The following MOG variants were observed in gnomAD, a reference collection of about 807,000 sequenced individuals.
The protein encoded by MOG is myelin-oligodendrocyte glycoprotein.
MOG carries 20 observed loss-of-function variants against 35.9 expected under a neutral mutation model. The observed-to-expected ratio is 0.56, with a 90% CI of 0.39 to 0.81. The LOEUF is 0.81. MOG is among the 30% of genes least tolerant of loss of function. The probability of loss-of-function intolerance (pLI) is 0.00; values close to 1 mark genes in which losing one functional copy is unlikely to be tolerated. For synonymous variants in MOG, 92 were observed against 114.3 expected (o/e 0.80, Z 1.25); for missense variants, 251 against 301.0 (o/e 0.83, Z 1.23).
chr6:29,661,944 G>T (rs977516561), intron 2 of MOG: 25 of 985,096 alleles, frequency 2.5e-5, no homozygotes, highest in Non-Finnish European at 3.0e-5. Flanking sequence ...CTCTTCGTCT[G>T]CATGCCTAAG....
intron 4 of MOG, 90 bp downstream of exon 4, chr6:29,667,753 T>C: frequency 1.3e-6 from 2 of 1,562,698 alleles, no homozygotes; most frequent in Non-Finnish European, 1.8e-6. Context: ...TCTCTCCCTC[T>C]CAATACCCTG....
rs1292912114 is a variant in MOG at position 29,671,218 on chromosome 6, G to C, written c.*33G>C. On this transcript the variant is annotated 3_prime_UTR_variant, in exon 8 of 8. Coordinates refer to ENST00000376917, the MANE Select transcript of MOG (RefSeq NM_206809.4). Reference sequence around the variant, plus strand: ...CACATCTTGGCAGGGGTGGAGGAGAGCCTGGTTGCCCAGGGATTTGTCCTT... The same window carrying C: ...CACATCTTGGCAGGGGTGGAGGAGACCCTGGTTGCCCAGGGATTTGTCCTT... 2 of 1,612,552 alleles carry C rather than the reference G, an allele frequency of 1.2e-6. No individual in the cohort carries two copies. Among genetic ancestry groups the C allele is most frequent in the African/African-American group, 2.7e-5 (2 of 74,896 alleles).
Position 29,667,925 on chromosome 6 carries a change from G to T in MOG, c.592+1G>T, listed in dbSNP as rs1770581761. The T allele has an allele frequency of 6.2e-7, 1 of 1,613,052 alleles. No homozygotes were observed. On this transcript the variant is annotated splice_donor_variant, in intron 5 of 7. Coordinates refer to ENST00000376917, the MANE Select transcript of MOG (RefSeq NM_206809.4). LOFTEE classifies it high-confidence loss of function. ...TCAGAGAATCTCCACCGGACTTTTG[G>T]TAAGTTCCGGCATGTCTAGGCCCTC...
At position 29,660,529 on chromosome 6, in the gene MOG, C is replaced by CA. The variant is rs1311423493; in HGVS notation, c.436+879dup. ...TGGGGGACACAGCGAGACTCCGTCT[C>CA]AAAAAAAAAAAAAAAACCCTGTATT... On this transcript the variant is annotated intron_variant, in intron 2 of 7. Coordinates refer to ENST00000376917, the MANE Select transcript of MOG (RefSeq NM_206809.4). 9.0e-3 allele frequency among the ~76,000 whole-genome samples: 536 copies of CA among 59,492 alleles called. 5 individuals are homozygous for CA. The highest frequency in any genetic ancestry group is 0.024 in the South Asian group (38 of 1,562). 39.0% of individuals were successfully genotyped at this position (59,492 alleles called of 152,430 possible).
chr6:29,666,404 A>AG lies in MOG; in HGVS notation c.550+139_550+140insG, dbSNP rs1770229157. 8.1e-6 allele frequency: 5 copies of AG among 621,100 alleles called. No individual in the cohort carries two copies. The Admixed American group carries it at 1.4e-4, about 18-fold the overall frequency. 38.5% of individuals were successfully genotyped at this position (621,100 alleles called of 1,614,324 possible). ...CACTATTGAGTGATAAAGAAAAAAA[A>AG]TAACTCCATGATGAAAGAGTTTTAC... On this transcript the variant is annotated intron_variant, in intron 3 of 7. Transcript: ENST00000376917.
Position 29,662,050 on chromosome 6 carries a change from T to C in MOG, c.436+2384T>C, listed in dbSNP as rs1768914323. Reference sequence around the variant, plus strand: ...GAATGAGATGAAGTAATGGTATTATTGCAAGTCTCAGGTGTAACTACCTCT... The same window carrying C: ...GAATGAGATGAAGTAATGGTATTATCGCAAGTCTCAGGTGTAACTACCTCT... On this transcript the variant is annotated intron_variant, in intron 2 of 7. Transcript: ENST00000376917. The surrounding 1 kb of genome is among the most constrained non-coding windows in gnomAD (Gnocchi z 4.2). 2 of 985,352 alleles carry C rather than the reference T, an allele frequency of 2.0e-6. No individual in the cohort carries two copies. The highest frequency in any genetic ancestry group is 2.4e-6 in the Non-Finnish European group (2 of 829,890). The allele number at this position is 985,352 out of a possible 1,614,324, so 61.0% of individuals were successfully genotyped here. A position where few individuals can be genotyped will look rare whatever the true frequency, so the allele number is the denominator to read the frequency against.
chr6:29,659,071 G>T (rs1767872065), intron 1 of MOG, among the ~76,000 whole-genome samples: 1 of 152,126 alleles, frequency 6.6e-6, no homozygotes, highest in South Asian at 2.1e-4. Flanking sequence ...GGAGGTTGCA[G>T]TGAGCCAAGA....
intron 2 of MOG, chr6:29,663,959 T>C: frequency 2.1e-6 from 2 of 936,808 alleles, no homozygotes; most frequent in Non-Finnish European, 2.5e-6. Context: ...GATGTCATTA[T>C]CCTTACTCAG....
intron 5 of MOG, 69 bp downstream of exon 5, chr6:29,667,993 G>T (rs9468580): frequency 6.7e-7 from 1 of 1,495,350 alleles, no homozygotes; most frequent in African/African-American, 1.4e-5. Context: ...GTCACCTGGG[G>T]GAACAAGGAC....
chr6:29,666,404 A>G (rs1770228078), intron 3 of MOG, 139 bp downstream of exon 3: 5 of 620,982 alleles, frequency 8.1e-6, no homozygotes, highest in South Asian at 5.8e-5. Context: ...AAGAAAAAAA[A>G]TAACTCCATG....
chr6:29,664,604 GA>G, intron 2 of MOG: 2 of 439,734 alleles, frequency 4.5e-6, no homozygotes, highest in South Asian at 3.1e-5. Flanking sequence ...ACCCATCTCA[GA>G]ATTTTTTTTT....
intron 1 of MOG, among the ~76,000 whole-genome samples, chr6:29,658,914 C>T (rs1364051113): frequency 6.6e-6 from 1 of 152,156 alleles, no homozygotes; most frequent in Non-Finnish European, 1.5e-5. Context: ...GAGTTCGAGA[C>T]CAGCCTGGCC....
At position 29,671,398 on chromosome 6, in the gene MOG, C is replaced by T; in HGVS notation, c.*213C>T. The T allele has an allele frequency of 6.2e-7, 1 of 1,612,564 alleles. No individual in the cohort carries two copies. The highest frequency in any genetic ancestry group is 8.5e-7 in the Non-Finnish European group (1 of 1,179,720). On this transcript the variant is annotated 3_prime_UTR_variant, in exon 8 of 8. Coordinates refer to ENST00000376917, the MANE Select transcript of MOG (RefSeq NM_206809.4). Reference sequence around the variant, plus strand: ...CTCTTCATTTTCCCATTTTTATTACCCTTCTTTCCATTTCTCTCTCCAGTC... The same window carrying T: ...CTCTTCATTTTCCCATTTTTATTACTCTTCTTTCCATTTCTCTCTCCAGTC...
In MOG at chr6:29,671,225, T is replaced by G. The variant is rs1363905037; in HGVS notation, c.*40T>G. 1 of 1,612,702 alleles carries G rather than the reference T, an allele frequency of 6.2e-7. No individual in the cohort carries two copies. Among genetic ancestry groups the G allele is most frequent in the Admixed American group, 1.7e-5 (1 of 60,032 alleles). ...TGGCAGGGGTGGAGGAGAGCCTGGTTGCCCAGGGATTTGTCCTTGGGGACA... is the reference window on the plus strand; with the variant it reads ...TGGCAGGGGTGGAGGAGAGCCTGGTGGCCCAGGGATTTGTCCTTGGGGACA... On this transcript the variant is annotated 3_prime_UTR_variant, in exon 8 of 8. Coordinates refer to ENST00000376917, the MANE Select transcript of MOG (RefSeq NM_206809.4).
At chr6:29,667,586 G>A in intron 3 of MOG, 57 bp from the exon 4 acceptor site, 3 of 1,599,044 alleles carry the variant, frequency 1.9e-6, no homozygotes, top group Non-Finnish European at 2.6e-6. Context: ...GTGTGGGAGG[G>A]TCCCCACCGA....
rs991283483 is a variant in MOG at position 29,671,399 on chromosome 6, C to T, written c.*214C>T. 19 of 1,612,468 alleles carry T rather than the reference C, an allele frequency of 1.2e-5. No homozygotes were observed. Among genetic ancestry groups the T allele is most frequent in the Non-Finnish European group, 1.6e-5 (19 of 1,179,732 alleles). ...TCTTCATTTTCCCATTTTTATTACC[C>T]TTCTTTCCATTTCTCTCTCCAGTCT... On this transcript the variant is annotated 3_prime_UTR_variant, in exon 8 of 8. Coordinates refer to ENST00000376917, the MANE Select transcript of MOG (RefSeq NM_206809.4).
chr6:29,661,654 C>T (rs372935474), intron 2 of MOG: 5 of 815,690 alleles, frequency 6.1e-6, no homozygotes, highest in Non-Finnish European at 7.4e-6. Context: ...AACCCTGTCT[C>T]TACTAAAAAC....
intron 2 of MOG, chr6:29,661,236 C>T: frequency 3.3e-6 from 1 of 305,582 alleles, no homozygotes; most frequent in Non-Finnish European, 4.8e-6. Flanking sequence ...CAATTGATCA[C>T]TATTGTATCT....
rs1405616065 is a variant in MOG, at chr6:29,659,615, T to C, written c.385T>C (p.Phe129Leu). Residue 129 changes from phenylalanine (F) to leucine (L), a missense_variant, in exon 2 of 8, where the codon TTC (phenylalanine) becomes CTC (leucine). Coordinates refer to ENST00000376917, the MANE Select transcript of MOG (RefSeq NM_206809.4). ...AGATGAAGGAGGTTTCACCTGCTTC[T>C]TCCGAGATCATTCTTACCAAGAGGA... ...FSDEGGFTCF[F>L]RDHSYQEEAA... 1 of 1,613,126 alleles carries C rather than the reference T, an allele frequency of 6.2e-7. No individual in the cohort carries two copies. The highest frequency in any genetic ancestry group is 1.7e-5 in the Admixed American group (1 of 60,020).
Sources: gnomAD v4.1 joint callset for allele counts (sites outside exome capture counted in the v4.1 genomes callset) on GRCh38, gnomAD v4.1.1 for gene constraint, Gnocchi (gnomAD v3.1) non-coding constraint, MANE v1.5 for transcripts, NCBI Gene and HGNC (gene_info 2026-07-23, HGNC 2026-07-21) for gene names.